ARHGEF10: variants seen among roughly 807,000 people sequenced by gnomAD.
The protein encoded by ARHGEF10 is Rho guanine nucleotide exchange factor (GEF) 10.
In ARHGEF10, 140 loss-of-function variants were observed where a neutral mutation model predicts 147.4. That is an observed-to-expected ratio of 0.95 (90% CI 0.83 to 1.09). The LOEUF is 1.09. Ranked by LOEUF, ARHGEF10 falls within the 50% of genes least tolerant of loss-of-function variation. The pLI is 0.00. For synonymous variants in ARHGEF10, 902 were observed against 695.8 expected (o/e 1.30, Z -4.67); for missense variants, 2,222 against 1,752.7 (o/e 1.27, Z -4.78).
At chr8:1,830,037 G>T (rs1802995436) in intron 1 of ARHGEF10, among the ~76,000 whole-genome samples, 1 of 152,228 alleles carries the variant, frequency 6.6e-6, no homozygotes, top group Non-Finnish European at 1.5e-5. Context: ...CTCTCTGCCA[G>T]CCGTCAGAGG....
Position 1,923,219 on chromosome 8 carries a change from A to C in ARHGEF10, c.2259+140A>C, listed in dbSNP as rs1451172787. 8.1e-6 allele frequency: 7 copies of C among 865,204 alleles called. No homozygotes were observed. In the East Asian group the frequency reaches 1.5e-4, roughly 19 times the overall value. The allele number at this position is 865,204 out of a possible 1,614,324, so 53.6% of individuals were successfully genotyped here. A position where few individuals can be genotyped will look rare whatever the true frequency, so the allele number is the denominator to read the frequency against. On this transcript the variant is annotated intron_variant, in intron 19 of 28. Transcript: ENST00000349830. Reference sequence around the variant, plus strand: ...TTAATCTGAATGTACATTTTCTCTTACGTTAGATAAGGTGAGACTATTTAA... The same window carrying C: ...TTAATCTGAATGTACATTTTCTCTTCCGTTAGATAAGGTGAGACTATTTAA...
chr8:1,950,334 C>G lies in ARHGEF10; in HGVS notation c.3398-2371C>G, dbSNP rs544930090. 1.1e-4 allele frequency among the ~76,000 whole-genome samples: 17 copies of G among 152,252 alleles called. No homozygotes were observed. In the East Asian group the frequency reaches 2.9e-3, roughly 26 times the overall value. Reference sequence around the variant, plus strand: ...GCAGCCTCTGGAATCGGAAAATGACCGCATGACCTCGTGACTGTGGCCCTC... The same window carrying G: ...GCAGCCTCTGGAATCGGAAAATGACGGCATGACCTCGTGACTGTGGCCCTC... On this transcript the variant is annotated intron_variant, in intron 27 of 28. Coordinates refer to ENST00000349830, the MANE Select transcript of ARHGEF10 (RefSeq NM_014629.4).
intron 10 of ARHGEF10, 124 bp from the exon 11 acceptor site, chr8:1,885,477 C>A: frequency 1.4e-6 from 1 of 693,578 alleles, no homozygotes; most frequent in South Asian, 1.6e-5. Flanking sequence ...AGCTGGGTGT[C>A]AAGTAAGCAT....
chr8:1,936,512 A>T (rs112328251), intron 26 of ARHGEF10, among the ~76,000 whole-genome samples: 2,322 of 152,268 alleles, frequency 0.015, 75 homozygotes, highest in African/African-American at 0.053. Flanking sequence ...CCTGTCTCAA[A>T]AAAAAAATTC....
intron 1 of ARHGEF10, among the ~76,000 whole-genome samples, chr8:1,842,628 G>A (rs116910152): frequency 8.9e-4 from 135 of 152,340 alleles, no homozygotes; most frequent in Middle Eastern, 3.4e-3. Flanking sequence ...CACTGGAGCC[G>A]AGGCAGCTGG....
chr8:1,880,012 C>G lies in ARHGEF10; in HGVS notation c.844-36C>G, dbSNP rs2272711. The G allele has an allele frequency of 0.15, 226,476 of 1,465,042 alleles. 19,755 individuals are homozygous for G. Among genetic ancestry groups the G allele is most frequent in the South Asian group, 0.28 (24,649 of 88,076 alleles). The allele number at this position is 1,465,042 out of a possible 1,614,324, so 90.8% of individuals were successfully genotyped here. On this transcript the variant is annotated intron_variant, in intron 8 of 28. Transcript: ENST00000349830. ...ATTGTCCCAAAGAACCAAAAAGAGC[C>G]TTTTTGTGAAAAGACTGTGTCTCTT...
chr8:1,908,799 TTC>T (rs1305819502), intron 17 of ARHGEF10, among the ~76,000 whole-genome samples: 1 of 152,226 alleles, frequency 6.6e-6, no homozygotes, highest in Non-Finnish European at 1.5e-5. Context: ...AGGGTTTTTT[TTC>T]GGTTCAATTT....
intron 1 of ARHGEF10, among the ~76,000 whole-genome samples, chr8:1,835,268 G>A (rs574470860): frequency 1.9e-4 from 29 of 152,342 alleles, no homozygotes; most frequent in African/African-American, 4.8e-4. Context: ...AGTGAAGAGC[G>A]GGGCACTTCA....
chr8:1,921,125 G>C (rs186081271), intron 18 of ARHGEF10, among the ~76,000 whole-genome samples: 2 of 152,228 alleles, frequency 1.3e-5, no homozygotes, highest in Admixed American at 1.3e-4. Flanking sequence ...TTCAAATGCA[G>C]TTAGTAATTG....
At chr8:1,909,916 C>G (rs371620665) in intron 18 of ARHGEF10, among the ~76,000 whole-genome samples, 1 of 152,186 alleles carries the variant, frequency 6.6e-6, no homozygotes, top group Admixed American at 6.5e-5. Context: ...GATGTCTTTA[C>G]TCAGTTTCCC....
intron 14 of ARHGEF10, 83 bp downstream of exon 14, chr8:1,896,532 T>C: frequency 1.0e-6 from 1 of 990,476 alleles, no homozygotes; most frequent in East Asian, 2.4e-5. Flanking sequence ...AATGCAGTTA[T>C]TCGTTATTAA....
chr8:1,906,533 G>A (rs1163903556), intron 17 of ARHGEF10, among the ~76,000 whole-genome samples: 2 of 152,022 alleles, frequency 1.3e-5, no homozygotes, highest in Non-Finnish European at 2.9e-5. Flanking sequence ...CATGCCCGTC[G>A]CCCCCATTTT....
chr8:1,901,259 A>G (rs1810433561), intron 15 of ARHGEF10, among the ~76,000 whole-genome samples: 2 of 151,968 alleles, frequency 1.3e-5, no homozygotes, highest in African/African-American at 4.8e-5. Flanking sequence ...GTGTAGGTGG[A>G]TGGGGAGACA....
intron 2 of ARHGEF10, among the ~76,000 whole-genome samples, chr8:1,854,095 G>C (rs1005983440): frequency 1.3e-5 from 2 of 152,222 alleles, no homozygotes; most frequent in African/African-American, 4.8e-5. Context: ...AAGGCATTCT[G>C]CATTGCACTT....
At chr8:1,849,424 AGGGC>A (rs1804820207) in intron 2 of ARHGEF10, among the ~76,000 whole-genome samples, 2 of 148,758 alleles carry the variant, frequency 1.3e-5, no homozygotes, top group Non-Finnish European at 3.0e-5. Context: ...GTGGACACAG[AGGGC>A]AAATGCTGAG....
chr8:1,936,702 A>G (rs1484416740), intron 26 of ARHGEF10, among the ~76,000 whole-genome samples: 1 of 152,262 alleles, frequency 6.6e-6, no homozygotes, highest in Non-Finnish European at 1.5e-5. Context: ...GGAGGGATGT[A>G]TCAGTTCCCC....
intron 1 of ARHGEF10, among the ~76,000 whole-genome samples, chr8:1,824,702 C>T (rs1364954079): frequency 2.3e-5 from 2 of 87,062 alleles, no homozygotes; most frequent in African/African-American, 4.7e-5. Context: ...GTCCCCCGCG[C>T]CGCAGCTGTC....
intron 21 of ARHGEF10, 93 bp from the exon 22 acceptor site, chr8:1,925,190 C>G: frequency 6.5e-7 from 1 of 1,539,604 alleles, no homozygotes; most frequent in Non-Finnish European, 8.9e-7. Context: ...AACAGAATGC[C>G]AGAAACTTCC....
In ARHGEF10 at chr8:1,954,001, C is replaced by G. The variant is rs1331542353; in HGVS notation, c.3520+1174C>G. Among the ~76,000 whole-genome samples the G allele has an allele frequency of 3.9e-5, 6 of 152,260 alleles. No individual in the cohort carries two copies. The South Asian group carries it at 8.3e-4, about 21-fold the overall frequency. ...CAAGGATTAAGGAATTCTAGTTTTG[C>G]CATTCATTTCCTAATTTATGTTTTT... On this transcript the variant is annotated intron_variant, in intron 28 of 28. Coordinates refer to ENST00000349830, the MANE Select transcript of ARHGEF10 (RefSeq NM_014629.4).
Sources: gnomAD v4.1 joint callset for allele counts (sites outside exome capture counted in the v4.1 genomes callset) on GRCh38, gnomAD v4.1.1 for gene constraint, MANE v1.5 for transcripts, NCBI Gene and HGNC (gene_info 2026-07-23, HGNC 2026-07-21) for gene names.